The following INPP4B variants were observed in gnomAD, a reference collection of about 807,000 sequenced individuals.
The protein encoded by INPP4B is inositol polyphosphate-4-phosphatase type II B, also known as inositol polyphosphate 4-phosphatase type II.
INPP4B carries 55 observed loss-of-function variants against 122.5 expected under a neutral mutation model. The ratio of observed to expected loss-of-function variants is 0.45; its 90% CI spans 0.36 to 0.56. The LOEUF (loss-of-function observed/expected upper bound fraction) is 0.56, where lower values mean the gene tolerates loss of function less well. Among genes scored for constraint, INPP4B ranks in the 20% least tolerant of loss-of-function variants. The probability of loss-of-function intolerance (pLI) is 0.00; values close to 1 mark genes in which losing one functional copy is unlikely to be tolerated. For missense variants in INPP4B, 1,000 were observed against 1,097.7 expected (o/e 0.91, Z 1.26); for synonymous variants, 403 against 388.7 (o/e 1.04, Z -0.43).
intron 2 of INPP4B, among the ~76,000 whole-genome samples, chr4:142,648,685 GCGGAGC>G (rs1752318927): frequency 1.3e-5 from 2 of 152,234 alleles, no homozygotes; most frequent in Admixed American, 1.3e-4. Flanking sequence ...ACTGGGCTGG[GCGGAGC>G]CCACCACAGC....
At chr4:142,340,201 T>C (rs1346921104) in intron 7 of INPP4B, among the ~76,000 whole-genome samples, 1 of 152,182 alleles carries the variant, frequency 6.6e-6, no homozygotes, top group African/African-American at 2.4e-5. Flanking sequence ...CCTCTCCATC[T>C]GTTCATTGAT....
At chr4:142,119,025 GC>G (rs1254891995) in intron 21 of INPP4B, among the ~76,000 whole-genome samples, 2 of 152,164 alleles carry the variant, frequency 1.3e-5, no homozygotes, top group African/African-American at 4.8e-5. Context: ...CATTTATGCA[GC>G]CAACAGACAC....
intron 16 of INPP4B, among the ~76,000 whole-genome samples, chr4:142,172,870 T>G (rs909022832): frequency 2.6e-5 from 4 of 151,950 alleles, no homozygotes; most frequent in African/African-American, 9.7e-5. Flanking sequence ...AATTACATGA[T>G]CTCCTTAAAA....
intron 21 of INPP4B, among the ~76,000 whole-genome samples, chr4:142,116,910 G>A (rs755418392): frequency 7.9e-5 from 12 of 151,786 alleles, no homozygotes; most frequent in African/African-American, 2.4e-4. Flanking sequence ...TTGACAGACC[G>A]GTAGCGAAAC....
rs7690399 is a variant in INPP4B, at chr4:142,052,040, A to T, written c.2643-23126T>A. Among the ~76,000 whole-genome samples, 491 of 152,128 alleles carry T rather than the reference A, an allele frequency of 3.2e-3. 6 individuals carry two copies. Among genetic ancestry groups the T allele is most frequent in the African/African-American group, 0.011 (467 of 41,548 alleles). On this transcript the variant is annotated intron_variant, in intron 25 of 25. Coordinates refer to ENST00000262992, the MANE Select transcript of INPP4B (RefSeq NM_001101669.3). ...TTGATGGTTTTACTTTGCAAAAAGTATAAAATGACACATTAGACTGAAATA... is the reference window on the plus strand; with the variant it reads ...TTGATGGTTTTACTTTGCAAAAAGTTTAAAATGACACATTAGACTGAAATA...
chr4:142,561,397 A>G (rs1730437684), intron 2 of INPP4B, among the ~76,000 whole-genome samples: 2 of 146,738 alleles, frequency 1.4e-5, no homozygotes, highest in Admixed American at 7.0e-5. Context: ...GACTTGTTAA[A>G]GTTTCTTTGT....
intron 3 of INPP4B, among the ~76,000 whole-genome samples, chr4:142,443,599 C>T (rs552958759): frequency 1.3e-4 from 20 of 152,154 alleles, no homozygotes; most frequent in African/African-American, 3.9e-4. Context: ...TGAAAGATGA[C>T]GATAGAGAAT....
At chr4:142,638,688 G>T (rs1208595570) in intron 2 of INPP4B, among the ~76,000 whole-genome samples, 1 of 151,846 alleles carries the variant, frequency 6.6e-6, no homozygotes, top group East Asian at 1.9e-4. Context: ...TGGGACTACA[G>T]GTGCCCGCCA....
At chr4:142,688,335 A>G (rs1235063113) in intron 2 of INPP4B, among the ~76,000 whole-genome samples, 1 of 152,154 alleles carries the variant, frequency 6.6e-6, no homozygotes, top group Non-Finnish European at 1.5e-5. Context: ...AGGACTGTGT[A>G]CCATTCCCCC....
chr4:142,659,090 A>AT (rs34290216), intron 2 of INPP4B, among the ~76,000 whole-genome samples: 154 of 150,796 alleles, frequency 1.0e-3, no homozygotes, highest in African/African-American at 1.7e-3. Flanking sequence ...CAGTCCTATA[A>AT]TTTTTTTTTT....
At chr4:142,185,290 G>A (rs1338033509) in intron 15 of INPP4B, among the ~76,000 whole-genome samples, 1 of 151,672 alleles carries the variant, frequency 6.6e-6, no homozygotes, top group Non-Finnish European at 1.5e-5. Flanking sequence ...AGAGCCAAAG[G>A]GATGCAAAAT....
intron 5 of INPP4B, chr4:142,423,624 TGTA>T: frequency 4.4e-6 from 1 of 226,038 alleles, no homozygotes; most frequent in Non-Finnish European, 8.9e-6. Context: ...CTCTTGTCAT[TGTA>T]CCAGTACATA....
At chr4:142,192,414 T>TAATG (rs1360542000) in intron 15 of INPP4B, among the ~76,000 whole-genome samples, 1 of 144,926 alleles carries the variant, frequency 6.9e-6, no homozygotes, top group Non-Finnish European at 1.5e-5. Context: ...CATACCTGGA[T>TAATG]AATGCACTTT....
chr4:142,750,428 T>C (rs78815947), intron 1 of INPP4B, among the ~76,000 whole-genome samples: 9,623 of 152,206 alleles, frequency 0.063, 332 homozygotes, highest in Middle Eastern at 0.12. Context: ...GAATCTATCA[T>C]TTACCAAGTG....
At chr4:142,177,030 C>G (rs962272673) in intron 15 of INPP4B, among the ~76,000 whole-genome samples, 1 of 152,144 alleles carries the variant, frequency 6.6e-6, no homozygotes, top group African/African-American at 2.4e-5. Context: ...AATATATTCC[C>G]TTTCCTCTCC....
At chr4:142,625,361 A>G (rs1034652301) in intron 2 of INPP4B, among the ~76,000 whole-genome samples, 2 of 152,192 alleles carry the variant, frequency 1.3e-5, no homozygotes, top group African/African-American at 2.4e-5. Flanking sequence ...GAGTCAAATC[A>G]TGAGTGAACT....
At chr4:142,643,052 T>C (rs955263516) in intron 2 of INPP4B, among the ~76,000 whole-genome samples, 3 of 152,210 alleles carry the variant, frequency 2.0e-5, no homozygotes, top group Non-Finnish European at 2.9e-5. Flanking sequence ...AGTTCACTCA[T>C]GATTTGACTC....
intron 2 of INPP4B, among the ~76,000 whole-genome samples, chr4:142,609,880 T>C (rs1419132317): frequency 6.6e-6 from 1 of 152,186 alleles, no homozygotes; most frequent in Non-Finnish European, 1.5e-5. Flanking sequence ...TATAATTTCC[T>C]AAGAAGTAGT....
chr4:142,631,484 A>G (rs1453725376), intron 2 of INPP4B, among the ~76,000 whole-genome samples: 2 of 152,238 alleles, frequency 1.3e-5, no homozygotes, highest in African/African-American at 2.4e-5. Context: ...TAACTGGAAC[A>G]AAACAAAAAG....
Sources: gnomAD v4.1 joint callset for allele counts (sites outside exome capture counted in the v4.1 genomes callset) on GRCh38, gnomAD v4.1.1 for gene constraint, MANE v1.5 for transcripts, NCBI Gene and HGNC (gene_info 2026-07-23, HGNC 2026-07-21) for gene names.